The following LARGE1 variants were observed in gnomAD, a reference collection of about 807,000 sequenced individuals.
LARGE1 encodes LARGE xylosyl- and glucuronyltransferase 1, also known as xylosyl- and glucuronyltransferase LARGE1.
LARGE1 carries 43 observed loss-of-function variants against 87.6 expected under a neutral mutation model. The observed-to-expected ratio is 0.49, with a 90% CI of 0.38 to 0.63. The LOEUF (loss-of-function observed/expected upper bound fraction) is 0.63, where lower values mean the gene tolerates loss of function less well. Ranked by LOEUF, LARGE1 falls within the 30% of genes least tolerant of loss-of-function variation. The probability of loss-of-function intolerance (pLI) is 0.00; values close to 1 mark genes in which losing one functional copy is unlikely to be tolerated. For missense variants in LARGE1, 802 were observed against 1,000.2 expected (o/e 0.80, Z 2.67); for synonymous variants, 434 against 394.6 (o/e 1.10, Z -1.18).
chr22:33,263,080 G>C (rs1927733766), intron 11 of LARGE1, among the ~76,000 whole-genome samples: 1 of 152,016 alleles, frequency 6.6e-6, no homozygotes, highest in Admixed American at 6.6e-5. Flanking sequence ...TTTTAGTCGA[G>C]ACGAGGTTTC....
intron 11 of LARGE1, among the ~76,000 whole-genome samples, chr22:33,218,783 A>G (rs1925327052): frequency 6.6e-6 from 1 of 152,230 alleles, no homozygotes; most frequent in African/African-American, 2.4e-5. Flanking sequence ...AATGTGGCAG[A>G]GAAGGCTGTG....
At chr22:33,087,352 A>C in the LARGE1 span, among the ~76,000 whole-genome samples, 5 of 152,262 alleles carry the variant, frequency 3.3e-5, no homozygotes, top group Admixed American at 3.3e-4. Context: ...CAGTAATTGG[A>C]GTTGTTAATA....
intron 3 of LARGE1, among the ~76,000 whole-genome samples, chr22:33,645,832 A>G (rs1037377562): frequency 1.3e-5 from 2 of 152,238 alleles, no homozygotes; most frequent in South Asian, 2.1e-4. Flanking sequence ...CAACAAACAT[A>G]TGAAGAAAAG....
At chr22:33,145,035 G>A in the LARGE1 span, among the ~76,000 whole-genome samples, 3 of 152,076 alleles carry the variant, frequency 2.0e-5, no homozygotes, top group Non-Finnish European at 2.9e-5. Context: ...TTCCAAGTCT[G>A]GAGTAGAAAG....
At position 33,304,162 on chromosome 22, in the gene LARGE1, T is replaced by C. The variant is rs78116727; in HGVS notation, c.1730+67A>G. On this transcript the variant is annotated intron_variant, in intron 12 of 14. Transcript: ENST00000397394. Reference sequence around the variant, plus strand: ...ACTAGATGATGACCCTAAGGGCCTTTTGGTCCTGGCACTGCATGGCCCTAT... The same window carrying C: ...ACTAGATGATGACCCTAAGGGCCTTCTGGTCCTGGCACTGCATGGCCCTAT... The C allele has an allele frequency of 0.025, 39,234 of 1,569,924 alleles. 1,360 individuals are homozygous for C. The highest frequency in any genetic ancestry group is 0.16 in the African/African-American group (11,977 of 74,074).
intron 4 of LARGE1, among the ~76,000 whole-genome samples, chr22:33,605,647 C>T (rs373404725): frequency 1.1e-4 from 16 of 152,306 alleles, no homozygotes; most frequent in African/African-American, 3.8e-4. Flanking sequence ...TCAAGAACTA[C>T]TAGCATAAAT....
intron 11 of LARGE1, among the ~76,000 whole-genome samples, chr22:33,225,083 C>T (rs571443169): frequency 9.2e-5 from 14 of 152,304 alleles, no homozygotes; most frequent in Non-Finnish European, 2.9e-5. Context: ...TCAAATGGCT[C>T]ATTGAGAAAG....
intron 9 of LARGE1, among the ~76,000 whole-genome samples, chr22:33,370,778 A>G (rs1408994339): frequency 6.7e-6 from 1 of 150,328 alleles, no homozygotes; most frequent in Non-Finnish European, 1.5e-5. Context: ...TTATTGCATT[A>G]TAAATATTAA....
rs56239539 is a variant in LARGE1, at chr22:33,650,384, C to T, written c.391G>A (p.Val131Ile). ...GNSSECGQQP[V>I]VEKCETIHVA... ...CCCTTTACCTCGCATTTCTCCACGA[C>T]CGGCTGCTGCCCACACTCGGAGCTG... The change falls in exon 3 of 15, where the codon GTC becomes ATC. Residue 131 changes from valine (V) to isoleucine (I), a missense_variant. By Grantham distance (29) the Val-to-Ile change is conservative. Coordinates refer to ENST00000397394, the MANE Select transcript of LARGE1 (RefSeq NM_133642.5). 5.5e-4 allele frequency: 886 copies of T among 1,614,114 alleles called. 1 individual carries two copies. Among genetic ancestry groups the T allele is most frequent in the Middle Eastern group, 2.3e-3 (14 of 6,062 alleles).
intron 2 of LARGE1, among the ~76,000 whole-genome samples, chr22:33,711,851 G>A (rs888224764): frequency 6.6e-6 from 1 of 152,014 alleles, no homozygotes; most frequent in Admixed American, 6.6e-5. Context: ...TGCAGAGACA[G>A]GGTCTTGCTA....
chr22:33,795,401 G>T (rs1311914719), intron 1 of LARGE1, among the ~76,000 whole-genome samples: 1 of 152,060 alleles, frequency 6.6e-6, no homozygotes, highest in Non-Finnish European at 1.5e-5. Context: ...CACATTAACG[G>T]ATCTATGTAT....
At chr22:33,592,339 C>T (rs2078865293) in intron 5 of LARGE1, among the ~76,000 whole-genome samples, 1 of 151,962 alleles carries the variant, frequency 6.6e-6, no homozygotes, top group African/African-American at 2.4e-5. Context: ...GTCTCATCTT[C>T]TTTGCTTCTT....
At chr22:33,268,589 G>A (rs1247980043), downstream of LARGE1, among the ~76,000 whole-genome samples, 4 of 151,834 alleles carry the variant, frequency 2.6e-5, no homozygotes, top group Non-Finnish European at 4.4e-5. Flanking sequence ...CACCACGCCC[G>A]GCTAATTTTT....
At chr22:33,379,770 T>A (rs1014278825) in intron 9 of LARGE1, among the ~76,000 whole-genome samples, 1 of 152,188 alleles carries the variant, frequency 6.6e-6, no homozygotes, top group Non-Finnish European at 1.5e-5. Context: ...GTTCTAACCC[T>A]CTGATCACTT....
At chr22:33,503,294 T>C (rs1167776118) in intron 6 of LARGE1, among the ~76,000 whole-genome samples, 2 of 149,620 alleles carry the variant, frequency 1.3e-5, no homozygotes, top group African/African-American at 5.0e-5. Flanking sequence ...TCTTGCTCTG[T>C]TGCCCAGGTT....
At chr22:33,407,401 T>G (rs967342695) in intron 7 of LARGE1, among the ~76,000 whole-genome samples, 2 of 152,224 alleles carry the variant, frequency 1.3e-5, no homozygotes, top group African/African-American at 4.8e-5. Flanking sequence ...ATCCAATGAA[T>G]GTATTAGTCT....
chr22:33,862,521 T>G (rs1217568734), intron 1 of LARGE1, among the ~76,000 whole-genome samples: 1 of 152,160 alleles, frequency 6.6e-6, no homozygotes, highest in Non-Finnish European at 1.5e-5. Context: ...CCTTCCTAAC[T>G]GTATCATAAA....
At chr22:33,435,013 T>C (rs985425418) in intron 6 of LARGE1, among the ~76,000 whole-genome samples, 20 of 152,220 alleles carry the variant, frequency 1.3e-4, no homozygotes, top group African/African-American at 4.8e-4. Context: ...CTTTGTTTTG[T>C]TTTTTGAGAT....
At chr22:33,689,145 G>A (rs200836141) in intron 2 of LARGE1, among the ~76,000 whole-genome samples, 19 of 147,510 alleles carry the variant, frequency 1.3e-4, no homozygotes, top group African/African-American at 4.2e-4. Context: ...CAAATTTACT[G>A]TCTCTCTCTC....
Sources: gnomAD v4.1 joint callset for allele counts (sites outside exome capture counted in the v4.1 genomes callset) on GRCh38, gnomAD v4.1.1 for gene constraint, MANE v1.5 for transcripts, NCBI Gene and HGNC (gene_info 2026-07-23, HGNC 2026-07-21) for gene names.